MAP4K4: variants seen among roughly 807,000 people sequenced by gnomAD.
The protein encoded by MAP4K4 is HPK/GCK-like kinase HGK.
In MAP4K4, 38 loss-of-function variants were observed where a neutral mutation model predicts 189.6. The observed-to-expected ratio is 0.20, with a 90% confidence interval of 0.15 to 0.26. The LOEUF is 0.26. Ranked by LOEUF, MAP4K4 falls within the 10% of genes least tolerant of loss-of-function variation. The pLI is 1.00. For synonymous variants in MAP4K4, 610 were observed against 624.3 expected, an observed-to-expected ratio of 0.98 and a Z score of 0.34; for missense variants, 1,054 against 1,726.9, an observed-to-expected ratio of 0.61 and a Z score of 6.91.
At chr2:101,753,208 A>G (rs1574919724) in intron 2 of MAP4K4, among the ~76,000 whole-genome samples, 2 of 152,230 alleles carry the variant, frequency 1.3e-5, no homozygotes, top group African/African-American at 4.8e-5. Context: ...GTACAGAGCT[A>G]CTAAGTAGCA....
chr2:101,826,561 A>G (rs2096368800), intron 5 of MAP4K4, among the ~76,000 whole-genome samples: 1 of 152,168 alleles, frequency 6.6e-6, no homozygotes, highest in Admixed American at 6.5e-5. Context: ...ATACTACTGT[A>G]AAGGAAGTCA....
chr2:101,858,597 C>T (rs1326929910), intron 13 of MAP4K4, among the ~76,000 whole-genome samples: 3 of 148,334 alleles, frequency 2.0e-5, no homozygotes, highest in Admixed American at 2.0e-4. Flanking sequence ...GTGCTTGTTA[C>T]AAATAATGAC....
At chr2:101,756,962 G>A (rs2073185493) in intron 2 of MAP4K4, among the ~76,000 whole-genome samples, 1 of 152,126 alleles carries the variant, frequency 6.6e-6, no homozygotes. Context: ...ATTGGGAGTT[G>A]TGTTTGGGAA....
chr2:101,866,927 A>C (rs1184121839), intron 19 of MAP4K4, among the ~76,000 whole-genome samples: 4 of 151,632 alleles, frequency 2.6e-5, no homozygotes, highest in Non-Finnish European at 5.9e-5. Flanking sequence ...TGTACTCATA[A>C]TAGATGAGTG....
intron 2 of MAP4K4, among the ~76,000 whole-genome samples, chr2:101,716,647 A>G (rs1287922664): frequency 6.6e-5 from 10 of 152,146 alleles, no homozygotes; most frequent in Non-Finnish European, 1.5e-5. Context: ...CGTGTTGTAT[A>G]AGCATCATCA....
intron 2 of MAP4K4, among the ~76,000 whole-genome samples, chr2:101,752,647 G>T (rs1033564031): frequency 6.6e-6 from 1 of 152,192 alleles, no homozygotes; most frequent in South Asian, 2.1e-4. Context: ...TTTCACCTAT[G>T]AGGATGAATT....
At chr2:101,894,516 A>C (rs1218436597) in exon 33 of MAP4K4, 1 of 152,806 alleles carries the variant, frequency 6.5e-6, no homozygotes, top group Non-Finnish European at 1.5e-5. Flanking sequence ...AATTTGCTAA[A>C]TAGTAATACA....
Position 101,797,301 on chromosome 2 carries a change from GT to G in MAP4K4, c.180+6529del, listed in dbSNP as rs1187628594. On this transcript the variant is annotated intron_variant, in intron 3 of 32. Coordinates refer to ENST00000324219, the Ensembl canonical transcript of MAP4K4. ...TTACAGCTTCGTACTGGCTTCTTCTGTTTTAGGGTGTTGGTGGCACTTTCTC... is the reference window on the plus strand; with the variant it reads ...TTACAGCTTCGTACTGGCTTCTTCTGTTTAGGGTGTTGGTGGCACTTTCTC... The G allele has an allele frequency of 3.9e-6, 5 of 1,290,720 alleles. No homozygotes were observed. The East Asian group carries it at 2.8e-4, about 72-fold the overall frequency. The allele number at this position is 1,290,720 out of a possible 1,614,324, so 80.0% of individuals were successfully genotyped here.
intron 9 of MAP4K4, among the ~76,000 whole-genome samples, chr2:101,837,399 C>T (rs1054008589): frequency 3.3e-5 from 5 of 151,988 alleles, no homozygotes; most frequent in African/African-American, 1.2e-4. Context: ...GTTCTTTGCC[C>T]TCTGTCTTCT....
At chr2:101,869,204 A>G (rs1288161277) in intron 21 of MAP4K4, among the ~76,000 whole-genome samples, 1 of 152,148 alleles carries the variant, frequency 6.6e-6, no homozygotes, top group East Asian at 1.9e-4. Context: ...GTGTCTCTCA[A>G]AACCTTTTTT....
intron 2 of MAP4K4, among the ~76,000 whole-genome samples, chr2:101,782,801 C>T (rs2088381120): frequency 6.6e-6 from 1 of 152,188 alleles, no homozygotes; most frequent in African/African-American, 2.4e-5. Context: ...TAGATGGCTC[C>T]TGGAGAGCTG....
chr2:101,697,764 C>A (rs2035104186), exon 1 of MAP4K4: 1 of 145,848 alleles, frequency 6.9e-6, no homozygotes, highest in Non-Finnish European at 1.5e-5. Flanking sequence ...TCGAGGCGCG[C>A]GGCGCGGGGC....
chr2:101,775,483 T>TA (rs2083597876), intron 2 of MAP4K4, among the ~76,000 whole-genome samples: 1 of 152,054 alleles, frequency 6.6e-6, no homozygotes, highest in Non-Finnish European at 1.5e-5. Flanking sequence ...AGATTGTTTG[T>TA]AAAGGTCTGT....
Position 101,833,781 on chromosome 2 carries a change from T to C in MAP4K4, c.640-628T>C, listed in dbSNP as rs574124130. On this transcript the variant is annotated intron_variant, in intron 7 of 32. Coordinates refer to ENST00000324219, the Ensembl canonical transcript of MAP4K4. ...GTAAAGTTTAATTCAAATTTTAAAT[T>C]TAGTATTTCAGGGGAATCAGAAAAA... 2.0e-5 allele frequency among the ~76,000 whole-genome samples: 3 copies of C among 152,300 alleles called. No individual in the cohort carries two copies. The East Asian group carries it at 5.8e-4, about 29-fold the overall frequency.
At position 101,870,570 on chromosome 2, in the gene MAP4K4, G is replaced by A. The variant is rs2097961111; in HGVS notation, c.2760+155G>A. ...GTGTCGAGTGTCGGGGGCTAGGGAGGCAGGTGTGTACTGCATGCCCAGAAG... is the reference window on the plus strand; with the variant it reads ...GTGTCGAGTGTCGGGGGCTAGGGAGACAGGTGTGTACTGCATGCCCAGAAG... On this transcript the variant is annotated intron_variant, in intron 23 of 32. Coordinates refer to ENST00000324219, the Ensembl canonical transcript of MAP4K4. 8.9e-6 allele frequency: 9 copies of A among 1,010,028 alleles called. No individual in the cohort carries two copies. The Middle Eastern group carries it at 1.3e-3, about 148-fold the overall frequency. The allele number at this position is 1,010,028 out of a possible 1,614,324, so 62.6% of individuals were successfully genotyped here. A position where few individuals can be genotyped will look rare whatever the true frequency, so the allele number is the denominator to read the frequency against.
chr2:101,890,578 C>G (rs1368810234), intron 32 of MAP4K4, among the ~76,000 whole-genome samples: 4 of 152,028 alleles, frequency 2.6e-5, no homozygotes, highest in Non-Finnish European at 1.5e-5. Context: ...TCCTCAGCCT[C>G]CTGAGTAGCT....
rs117393653 is a variant in MAP4K4 at position 101,777,989 on chromosome 2, G to T, written c.124-12731G>T. Among the ~76,000 whole-genome samples, 181 of 152,282 alleles carry T rather than the reference G, an allele frequency of 1.2e-3. 2 individuals carry two copies. The East Asian group carries it at 0.028, about 24-fold the overall frequency. On this transcript the variant is annotated intron_variant, in intron 2 of 32. Transcript: ENST00000324219. Reference sequence around the variant, plus strand: ...ATTTATCTTAGGAAGACAGATTTTGGTGTACTTGTTGCTGGAAGAGTTTCA... The same window carrying T: ...ATTTATCTTAGGAAGACAGATTTTGTTGTACTTGTTGCTGGAAGAGTTTCA...
intron 2 of MAP4K4, among the ~76,000 whole-genome samples, chr2:101,720,592 T>C (rs891418925): frequency 2.6e-5 from 4 of 152,180 alleles, no homozygotes; most frequent in Non-Finnish European, 5.9e-5. Flanking sequence ...CCTTCATATT[T>C]TTGCCTCAGA....
chr2:101,773,167 T>C (rs2082296641), intron 2 of MAP4K4, among the ~76,000 whole-genome samples: 1 of 152,244 alleles, frequency 6.6e-6, no homozygotes, highest in Non-Finnish European at 1.5e-5. Flanking sequence ...GCAGGAATTA[T>C]ACCTGTTCTG....
Sources: allele counts gnomAD v4.1 joint callset (sites outside exome capture counted in the v4.1 genomes callset), GRCh38; gene constraint gnomAD v4.1.1; transcripts MANE v1.5; gene names NCBI Gene and HGNC (gene_info 2026-07-23, HGNC 2026-07-21).